Variants in FNDC3A observed in about 807,000 individuals in gnomAD.
FNDC3A encodes the protein fibronectin type III domain containing 3A, also known as fibronectin type-III domain-containing protein 3A.
A neutral mutation model predicts 148.9 loss-of-function variants in FNDC3A; 32 were observed. That is an observed-to-expected ratio of 0.21 (90% CI 0.16 to 0.29). The LOEUF (loss-of-function observed/expected upper bound fraction) is 0.29. FNDC3A is among the 10% of genes least tolerant of loss of function. The pLI is 1.00. For missense variants in FNDC3A, 1,191 were observed against 1,452.8 expected, an observed-to-expected ratio of 0.82 and a Z score of 2.93; for synonymous variants, 472 against 473.6, an observed-to-expected ratio of 1.00 and a Z score of 0.04.
At chr13:49,137,540 T>G (rs1230306454) in intron 6 of FNDC3A, among the ~76,000 whole-genome samples, 1 of 152,204 alleles carries the variant, frequency 6.6e-6, no homozygotes, top group Non-Finnish European at 1.5e-5. Flanking sequence ...AGACAGGGTT[T>G]CACCATCTTG....
chr13:48,992,027 A>G (rs750237056), intron 1 of FNDC3A, among the ~76,000 whole-genome samples: 5 of 152,226 alleles, frequency 3.3e-5, no homozygotes, highest in Non-Finnish European at 5.9e-5. Flanking sequence ...TGGATACTTG[A>G]TGTATGGTTT....
rs1227135528 is a variant in FNDC3A at position 49,174,492 on chromosome 13, A to G, written c.1288A>G (p.Ile430Val). Residue 430 changes from isoleucine (I) to valine (V), a missense_variant, in exon 12 of 26, where the codon ATT becomes GTT. Physicochemically the swap from Ile to Val is conservative, Grantham distance 29 (BLOSUM62 3). Coordinates refer to ENST00000492622, the MANE Select transcript of FNDC3A (RefSeq NM_001079673.2). Reference protein sequence around the residue: ...CYMGSQKQFKITKLSPAMGCK... With the variant: ...CYMGSQKQFKVTKLSPAMGCK... Reference sequence around the variant, plus strand: ...CATGGGCTCACAGAAACAATTTAAAATTACTAAACTTTCACCAGCAATGGG... The same window carrying G: ...CATGGGCTCACAGAAACAATTTAAAGTTACTAAACTTTCACCAGCAATGGG... 1.2e-6 allele frequency: 2 copies of G among 1,612,862 alleles called. No individual in the cohort carries two copies. Among genetic ancestry groups the G allele is most frequent in the East Asian group, 4.5e-5 (2 of 44,820 alleles).
intron 3 of FNDC3A, 147 bp from the exon 4 acceptor site, chr13:49,114,508 T>C (rs1361296675): frequency 4.1e-6 from 2 of 482,988 alleles, no homozygotes; most frequent in East Asian, 6.9e-5. Context: ...TTATAACAAG[T>C]CAATCATCTG....
At chr13:49,089,925 A>C (rs1879074192) in intron 3 of FNDC3A, among the ~76,000 whole-genome samples, 2 of 152,172 alleles carry the variant, frequency 1.3e-5, no homozygotes, top group South Asian at 4.1e-4. Flanking sequence ...CGGTACAAAG[A>C]TAGGCAGTTA....
At chr13:49,121,270 A>G (rs1006624106) in intron 4 of FNDC3A, among the ~76,000 whole-genome samples, 5 of 152,252 alleles carry the variant, frequency 3.3e-5, no homozygotes, top group African/African-American at 1.2e-4. Flanking sequence ...AAATGAAGGC[A>G]GAAATAAAGA....
At position 49,138,735 on chromosome 13, in the gene FNDC3A, T is replaced by C; in HGVS notation, c.761-12T>C. 7.4e-7 allele frequency: 1 copy of C among 1,352,032 alleles called. No individual in the cohort carries two copies. Among genetic ancestry groups the C allele is most frequent in the Non-Finnish European group, 1.0e-6 (1 of 971,768 alleles). 83.8% of individuals were successfully genotyped at this position (1,352,032 alleles called of 1,614,324 possible). A position where few individuals can be genotyped will look rare whatever the true frequency, so the allele number is the denominator to read the frequency against. On this transcript the variant is annotated splice_polypyrimidine_tract_variant and intron_variant, in intron 6 of 25. Coordinates refer to ENST00000492622, the MANE Select transcript of FNDC3A (RefSeq NM_001079673.2). The stretch of plus-strand genomic sequence containing the variant: ...CTTTTTTTTAAATATTCAAATGTTT[T>C]ATTTTTTTAAGAAAAAGATGAAGAA...
intron 2 of FNDC3A, among the ~76,000 whole-genome samples, chr13:49,014,000 T>A (rs1593470747): frequency 6.7e-6 from 1 of 148,190 alleles, no homozygotes; most frequent in Admixed American, 6.7e-5. Flanking sequence ...TCTATCATTG[T>A]TGGACATTTG....
chr13:49,063,818 AAAATGAAACCCAGAAGCTAT>A (rs1877065007), intron 2 of FNDC3A, among the ~76,000 whole-genome samples: 1 of 152,232 alleles, frequency 6.6e-6, no homozygotes, highest in African/African-American at 2.4e-5. Flanking sequence ...TCAGTAATAT[AAAATGAAACCCAGAAGCTAT>A]AAAGGAAAAC....
rs745317180 is a variant in FNDC3A, at chr13:49,186,072, A to G, written c.1726A>G (p.Ile576Val). The G allele has an allele frequency of 1.9e-6, 3 of 1,612,666 alleles. No homozygotes were observed. The highest frequency in any genetic ancestry group is 1.7e-4 in the Middle Eastern group (1 of 5,974). ...IPVKPSVKGK[I>V]HSHSFKITWD... is the part of the protein sequence containing the mutation. ...TGTAAAGCCTTCAGTGAAAGGAAAG[A>G]TACATTCACACAGTTTTAAAATAAC... The change falls in exon 15 of 26, where the codon ATA (isoleucine) becomes GTA (valine). Residue 576 changes from isoleucine to valine, a missense_variant. This residue lies in a region of FNDC3A where 751 missense variants were observed against 944.0 expected (regional missense o/e 0.80). Transcript: ENST00000492622.
intron 2 of FNDC3A, among the ~76,000 whole-genome samples, chr13:49,027,539 TA>T (rs1312470434): frequency 1.3e-5 from 2 of 152,190 alleles, no homozygotes; most frequent in Non-Finnish European, 2.9e-5. Context: ...TTATAAGGTA[TA>T]AAAATGTAAT....
chr13:49,175,911 TATTGA>T (rs1343508253), intron 13 of FNDC3A, among the ~76,000 whole-genome samples: 2 of 152,188 alleles, frequency 1.3e-5, no homozygotes, highest in African/African-American at 4.8e-5. Context: ...CATGAAGGGG[TATTGA>T]ATTTTATCAA....
intron 1 of FNDC3A, among the ~76,000 whole-genome samples, chr13:48,992,120 T>A (rs1951932243): frequency 6.6e-6 from 1 of 152,214 alleles, no homozygotes; most frequent in Non-Finnish European, 1.5e-5. Context: ...ATTGTCTGTA[T>A]ACAAATAATG....
intron 8 of FNDC3A, among the ~76,000 whole-genome samples, chr13:49,165,721 C>T (rs1239569189): frequency 6.6e-6 from 1 of 152,076 alleles, no homozygotes; most frequent in Non-Finnish European, 1.5e-5. Context: ...GTTCTTTGGC[C>T]TCTGGAAGCA....
intron 16 of FNDC3A, among the ~76,000 whole-genome samples, chr13:49,188,112 A>G (rs1490033962): frequency 1.3e-5 from 2 of 152,218 alleles, no homozygotes; most frequent in Non-Finnish European, 2.9e-5. Context: ...GTTTATTTCT[A>G]TGAAATGACC....
At chr13:48,986,552 C>G (rs1195040503) in intron 1 of FNDC3A, among the ~76,000 whole-genome samples, 1 of 151,824 alleles carries the variant, frequency 6.6e-6, no homozygotes, top group East Asian at 1.9e-4. Flanking sequence ...CGTGCCACCA[C>G]ACCCGGCTAA....
intron 2 of FNDC3A, among the ~76,000 whole-genome samples, chr13:49,055,566 C>T (rs780256368): frequency 6.6e-6 from 1 of 152,176 alleles, no homozygotes; most frequent in Non-Finnish European, 1.5e-5. Flanking sequence ...CTGGCGTCAT[C>T]TGCATGATAA....
intron 5 of FNDC3A, among the ~76,000 whole-genome samples, chr13:49,134,942 GC>G (rs1490240113): frequency 7.4e-6 from 1 of 135,990 alleles, no homozygotes; most frequent in African/African-American, 2.8e-5. Context: ...TCTGCCCTCT[GC>G]CTCCCAGGTT....
At chr13:49,098,088 C>T (rs1879645518) in intron 3 of FNDC3A, among the ~76,000 whole-genome samples, 1 of 151,828 alleles carries the variant, frequency 6.6e-6, no homozygotes, top group Non-Finnish European at 1.5e-5. Context: ...TTCTAAGGGC[C>T]CAGACCTTAA....
At chr13:49,023,898 CT>C (rs1873510269) in intron 2 of FNDC3A, among the ~76,000 whole-genome samples, 1 of 151,846 alleles carries the variant, frequency 6.6e-6, no homozygotes, top group Non-Finnish European at 1.5e-5. Context: ...GCTTTTTCAA[CT>C]CATAACGTTC....
Sources: gnomAD v4.1 joint callset for allele counts (sites outside exome capture counted in the v4.1 genomes callset) on GRCh38, gnomAD v4.1.1 for gene constraint, gnomAD v4.1.1 regional missense constraint, MANE v1.5 for transcripts, NCBI Gene and HGNC (gene_info 2026-07-23, HGNC 2026-07-21) for gene names.